The following CCBE1 variants were observed in gnomAD, a reference collection of about 807,000 sequenced individuals.
The protein encoded by CCBE1 is collagen and calcium binding EGF domains 1, also known as collagen and calcium-binding EGF domain-containing protein 1.
Under a neutral mutation model 50.0 loss-of-function variants are expected in CCBE1, and 37 were observed. The ratio of observed to expected loss-of-function variants is 0.74; its 90% CI spans 0.57 to 0.97. CCBE1 has a LOEUF of 0.97. Among genes scored for constraint, CCBE1 ranks in the 50% least tolerant of loss-of-function variants. The pLI is 0.00. For synonymous variants in CCBE1, 234 were observed against 203.7 expected (o/e 1.15, Z -1.27); for missense variants, 538 against 523.8 (o/e 1.03, Z -0.26).
At chr18:59,575,778 A>T (rs1259389011) in intron 2 of CCBE1, among the ~76,000 whole-genome samples, 1 of 152,210 alleles carries the variant, frequency 6.6e-6, no homozygotes, top group Non-Finnish European at 1.5e-5. Flanking sequence ...CATAATCCAC[A>T]TTGGCAGCTA....
At chr18:59,696,790 C>T in intron 1 of CCBE1, 81 bp from the exon 2 acceptor site, 1 of 1,448,154 alleles carries the variant, frequency 6.9e-7, no homozygotes, top group Non-Finnish European at 9.6e-7. Context: ...ATCCCTGGCG[C>T]GTGGGGATCG....
At chr18:59,658,879 CAAAAA>C (rs61226521) in intron 2 of CCBE1, among the ~76,000 whole-genome samples, 13 of 54,752 alleles carry the variant, frequency 2.4e-4, no homozygotes, top group African/African-American at 3.9e-4. Flanking sequence ...GACTCTGTCT[CAAAAA>C]AAAAAAAAAA....
intron 2 of CCBE1, among the ~76,000 whole-genome samples, chr18:59,503,882 C>T (rs1913744486): frequency 6.6e-6 from 1 of 152,152 alleles, no homozygotes; most frequent in African/African-American, 2.4e-5. Context: ...ACCTTACTCT[C>T]CACCTATGGG....
chr18:59,670,267 T>C (rs536817142), intron 2 of CCBE1, among the ~76,000 whole-genome samples: 2 of 152,288 alleles, frequency 1.3e-5, no homozygotes, highest in South Asian at 4.2e-4. Flanking sequence ...AATTTTTTTA[T>C]CCCACAAACT....
chr18:59,644,940 G>A (rs2054036096), intron 2 of CCBE1, among the ~76,000 whole-genome samples: 1 of 152,198 alleles, frequency 6.6e-6, no homozygotes, highest in African/African-American at 2.4e-5. Context: ...CATAAACAGG[G>A]ATGAAAAGTT....
At chr18:59,522,035 ATAAATCTTTTCTAT>A (rs57317841) in intron 2 of CCBE1, among the ~76,000 whole-genome samples, 15 of 152,222 alleles carry the variant, frequency 9.9e-5, no homozygotes, top group African/African-American at 3.6e-4. Flanking sequence ...AATTTGAATT[ATAAATCTTTTCTAT>A]TAAATATTTT....
chr18:59,504,049 C>T (rs55963416), intron 2 of CCBE1, among the ~76,000 whole-genome samples: 19,080 of 152,148 alleles, frequency 0.13, 1,627 homozygotes, highest in Middle Eastern at 0.22. Context: ...CGAAAGTGAG[C>T]GCTGAATGTG....
At chr18:59,597,022 T>C (rs2053361707) in intron 2 of CCBE1, among the ~76,000 whole-genome samples, 1 of 152,246 alleles carries the variant, frequency 6.6e-6, no homozygotes, top group African/African-American at 2.4e-5. Flanking sequence ...CAGTATACTT[T>C]ATTCAATAAT....
chr18:59,439,292 GA>G (rs916510258), intron 9 of CCBE1, among the ~76,000 whole-genome samples: 112 of 148,454 alleles, frequency 7.5e-4, no homozygotes, highest in African/African-American at 2.6e-3. Flanking sequence ...GTCTCAAAAA[GA>G]AAAAAAAAGA....
chr18:59,574,170 C>CA (rs2052956768), intron 2 of CCBE1, among the ~76,000 whole-genome samples: 1 of 152,028 alleles, frequency 6.6e-6, no homozygotes, highest in Non-Finnish European at 1.5e-5. Context: ...CCCATGTGAT[C>CA]TGATTATAAT....
At chr18:59,696,335 C>CAAA (rs1439213347) in intron 2 of CCBE1, 1 of 594,430 alleles carries the variant, frequency 1.7e-6, no homozygotes, top group Non-Finnish European at 2.7e-6. Flanking sequence ...TGTTTACACC[C>CAAA]AAAATCCAAT....
intron 3 of CCBE1, 90 bp from the exon 4 acceptor site, chr18:59,469,697 C>G (rs1395919694): frequency 3.9e-6 from 6 of 1,555,890 alleles, no homozygotes; most frequent in Non-Finnish European, 5.3e-6. Flanking sequence ...GGGCTGGGCT[C>G]TGCTCAAGGG....
At chr18:59,601,552 G>A (rs890350506) in intron 2 of CCBE1, among the ~76,000 whole-genome samples, 8 of 152,090 alleles carry the variant, frequency 5.3e-5, no homozygotes, top group African/African-American at 1.4e-4. Context: ...TCTCATGTAT[G>A]TCTTTATTAG....
intron 2 of CCBE1, among the ~76,000 whole-genome samples, chr18:59,551,581 C>T (rs148459436): frequency 1.4e-3 from 219 of 152,318 alleles, no homozygotes; most frequent in East Asian, 7.9e-3. Flanking sequence ...GTCCTATATG[C>T]GGTCCATCCT....
chr18:59,625,916 G>A (rs982604387), intron 2 of CCBE1, among the ~76,000 whole-genome samples: 3 of 152,126 alleles, frequency 2.0e-5, no homozygotes, highest in Admixed American at 6.5e-5. Context: ...CTCAGACACC[G>A]CACCTGCCCA....
chr18:59,517,656 A>G (rs1194538532), intron 2 of CCBE1, among the ~76,000 whole-genome samples: 1 of 152,192 alleles, frequency 6.6e-6, no homozygotes, highest in Non-Finnish European at 1.5e-5. Context: ...AGTCAGTTCT[A>G]TCCCTTTCTT....
intron 2 of CCBE1, among the ~76,000 whole-genome samples, chr18:59,490,438 AT>A (rs35166135): frequency 0.23 from 33,245 of 145,362 alleles, 4,056 homozygotes; most frequent in Non-Finnish European, 0.28. Context: ...GCATGAATTG[AT>A]TTTGTAAGAA....
chr18:59,508,802 G>T (rs1439251948), intron 2 of CCBE1, among the ~76,000 whole-genome samples: 1 of 140,770 alleles, frequency 7.1e-6, no homozygotes, highest in Admixed American at 7.6e-5. Flanking sequence ...CTGCAGCCTC[G>T]ACCTCCTGGG....
intron 2 of CCBE1, among the ~76,000 whole-genome samples, chr18:59,678,561 C>G (rs1312571764): frequency 6.6e-6 from 1 of 152,010 alleles, no homozygotes; most frequent in Admixed American, 6.6e-5. Context: ...GAGATGGAGT[C>G]TCACTCTGTT....
Sources: allele counts gnomAD v4.1 joint callset (sites outside exome capture counted in the v4.1 genomes callset), GRCh38; gene constraint gnomAD v4.1.1; transcripts MANE v1.5; gene names NCBI Gene and HGNC (gene_info 2026-07-23, HGNC 2026-07-21).